TPP2: variants seen among roughly 807,000 people sequenced by gnomAD.
TPP2 encodes tripeptidyl peptidase 2.
A neutral mutation model predicts 155.9 loss-of-function variants in TPP2; 34 were observed. That is an observed-to-expected ratio of 0.22 (90% CI 0.17 to 0.29). The LOEUF is 0.29. TPP2 is among the 10% of genes least tolerant of loss of function. The pLI is 1.00. For missense variants in TPP2, 1,028 were observed against 1,522.3 expected (o/e 0.68, Z 5.40); for synonymous variants, 510 against 529.4 (o/e 0.96, Z 0.50).
At chr13:102,656,659 A>G (rs989928858) in intron 24 of TPP2, among the ~76,000 whole-genome samples, 1 of 152,218 alleles carries the variant, frequency 6.6e-6, no homozygotes, top group Non-Finnish European at 1.5e-5. Flanking sequence ...GAATGAAGGC[A>G]TAAGCGTCCC....
At chr13:102,640,495 G>C in intron 16 of TPP2, 119 bp downstream of exon 16, 2 of 761,418 alleles carry the variant, frequency 2.6e-6, no homozygotes, top group Non-Finnish European at 2.1e-6. Context: ...ATGTATTTGG[G>C]TACCTTAGAC....
chr13:102,598,834 G>A (rs1377608660), intron 1 of TPP2, among the ~76,000 whole-genome samples: 1 of 152,172 alleles, frequency 6.6e-6, no homozygotes, highest in African/African-American at 2.4e-5. Flanking sequence ...TCACCCCACA[G>A]CCTTGTTGTG....
At chr13:102,633,757 G>A (rs1166474375) in intron 10 of TPP2, among the ~76,000 whole-genome samples, 193 bp from the exon 11 acceptor site, 1 of 152,162 alleles carries the variant, frequency 6.6e-6, no homozygotes, top group Admixed American at 6.5e-5. Flanking sequence ...AATAAATGCT[G>A]CCTATGGGAA....
rs1595168606 is a variant in TPP2 at position 102,634,030 on chromosome 13, C to T, written c.1325C>T (p.Thr442Met). 8 of 1,614,032 alleles carry T rather than the reference C, an allele frequency of 5.0e-6. No homozygotes were observed. The highest frequency in any genetic ancestry group is 1.1e-5 in the South Asian group (1 of 91,084). Residue 442 changes from threonine (T) to methionine (M), a missense_variant, in exon 11 of 30, where the codon ACG (threonine) becomes ATG (methionine). By Grantham distance (81) the Thr-to-Met change is moderately conservative. Transcript: ENST00000376052. ...GTTCCTAACTGGACACTGAGAGGGA[C>T]GCAGCTGATGAATGGAACATCTATG... is the stretch of plus-strand genomic sequence containing the variant. ...ASVPNWTLRG[T>M]QLMNGTSMSS...
Position 102,674,467 on chromosome 13 carries a change from T to C in TPP2, c.3556T>C (p.Trp1186Arg). 1 of 1,613,780 alleles carries C rather than the reference T, an allele frequency of 6.2e-7. No individual in the cohort carries two copies. The highest frequency in any genetic ancestry group is 8.5e-7 in the Non-Finnish European group (1 of 1,179,730). ...LAETFWETTK[W>R]TDLFDNKVLT... ...AGAAACATTTTGGGAAACTACTAAATGGACTGATCTCTTTGACAATAAGGT... is the reference window on the plus strand; with the variant it reads ...AGAAACATTTTGGGAAACTACTAAACGGACTGATCTCTTTGACAATAAGGT... Residue 1186 changes from tryptophan (W) to arginine (R), a missense_variant, in exon 28 of 30, where the codon TGG (tryptophan) becomes CGG (arginine). Trp to Arg is a moderately radical substitution (Grantham distance 101). This residue lies in a region of TPP2 where 116 missense variants were observed against 117.3 expected (regional missense o/e 0.99). Transcript: ENST00000376052.
rs996150977 is a variant in TPP2 at position 102,646,404 on chromosome 13, T to C, written c.2490+14T>C. Reference sequence around the variant, plus strand: ...AACTTTCATCAAGTAAGTGTTTGCCTAGTAAAGTGTACCCTTAGGATGAAC... The same window carrying C: ...AACTTTCATCAAGTAAGTGTTTGCCCAGTAAAGTGTACCCTTAGGATGAAC... On this transcript the variant is annotated intron_variant, in intron 20 of 29. Coordinates refer to ENST00000376052, the MANE Select transcript of TPP2 (RefSeq NM_001330588.2). 5 of 1,594,052 alleles carry C rather than the reference T, an allele frequency of 3.1e-6. No homozygotes were observed. In the African/African-American group the frequency reaches 6.7e-5, roughly 21 times the overall value.
At chr13:102,666,617 C>T (rs952192059) in intron 27 of TPP2, among the ~76,000 whole-genome samples, 2 of 151,968 alleles carry the variant, frequency 1.3e-5, no homozygotes, top group Admixed American at 6.6e-5. Context: ...ATATGATTTT[C>T]TCAAACTCGG....
intron 27 of TPP2, among the ~76,000 whole-genome samples, chr13:102,669,567 G>A (rs1884832009): frequency 6.6e-6 from 1 of 152,198 alleles, no homozygotes; most frequent in Non-Finnish European, 1.5e-5. Context: ...TTAGGGATGT[G>A]TGTAACATCT....
chr13:102,642,278 C>G (rs1225372824), intron 16 of TPP2, among the ~76,000 whole-genome samples: 1 of 151,952 alleles, frequency 6.6e-6, no homozygotes, highest in Admixed American at 6.6e-5. Context: ...CTCATAGGGC[C>G]CCTGGGACTT....
intron 27 of TPP2, among the ~76,000 whole-genome samples, chr13:102,671,769 T>A (rs1884998395): frequency 6.6e-6 from 1 of 152,104 alleles, no homozygotes; most frequent in South Asian, 2.1e-4. Context: ...GTTTCCTCTT[T>A]GTTATCTTTG....
Position 102,674,476 on chromosome 13 carries a change from C to G in TPP2, c.3565C>G (p.Leu1189Val), listed in dbSNP as rs767703689. Residue 1189 changes from leucine to valine, a missense_variant, in exon 28 of 30, where the codon CTC becomes GTC. Around this residue, in one of 7 missense-constraint regions of TPP2, gnomAD observed 116 missense variants for 117.3 expected, o/e 0.99. Coordinates refer to ENST00000376052, the MANE Select transcript of TPP2 (RefSeq NM_001330588.2). ...TTGGGAAACTACTAAATGGACTGATCTCTTTGACAATAAGGTAACGTTTCT... is the reference window on the plus strand; with the variant it reads ...TTGGGAAACTACTAAATGGACTGATGTCTTTGACAATAAGGTAACGTTTCT... ...TFWETTKWTDLFDNKVLTFAY... is the reference protein window; with the variant it reads ...TFWETTKWTDVFDNKVLTFAY... 2.4e-5 allele frequency: 39 copies of G among 1,613,586 alleles called. No individual in the cohort carries two copies. The highest frequency in any genetic ancestry group is 1.5e-4 in the African/African-American group (11 of 74,894).
chr13:102,656,809 AAAGTATG>A (rs769950469), intron 24 of TPP2, among the ~76,000 whole-genome samples: 16 of 152,232 alleles, frequency 1.1e-4, no homozygotes, highest in Non-Finnish European at 2.4e-4. Context: ...CAAATGGAGA[AAAGTATG>A]TTCTTATCTC....
intron 4 of TPP2, among the ~76,000 whole-genome samples, chr13:102,616,764 C>T (rs1368402804): frequency 6.6e-6 from 1 of 152,206 alleles, no homozygotes; most frequent in Admixed American, 6.5e-5. Context: ...GAAAGCTGCA[C>T]CTAGGAATTT....
intron 5 of TPP2, among the ~76,000 whole-genome samples, chr13:102,619,266 A>G (rs1880975061): frequency 6.6e-6 from 1 of 152,236 alleles, no homozygotes; most frequent in Non-Finnish European, 1.5e-5. Flanking sequence ...AATGCGATTT[A>G]TACCAAGTTA....
rs770679110 is a variant in TPP2 at position 102,635,651 on chromosome 13, A to G, written c.1458A>G (p.Ala486=). Residue 486 remains alanine (A), a synonymous_variant, in exon 12 of 30, where the codon GCA becomes GCG. Coordinates refer to ENST00000376052, the MANE Select transcript of TPP2 (RefSeq NM_001330588.2). The part of the protein sequence containing the change: ...HSVRRALENT[A]VKADNIEVFA... ...TCAGAAGAGCTCTAGAAAACACTGCAGTGAAGGCTGACAATATAGAAGTAT... is the reference window on the plus strand; with the variant it reads ...TCAGAAGAGCTCTAGAAAACACTGCGGTGAAGGCTGACAATATAGAAGTAT... 6.2e-7 allele frequency: 1 copy of G among 1,613,362 alleles called. No homozygotes were observed. The highest frequency in any genetic ancestry group is 1.3e-5 in the African/African-American group (1 of 74,918).
At chr13:102,672,302 C>G (rs1885033080) in intron 27 of TPP2, among the ~76,000 whole-genome samples, 1 of 152,144 alleles carries the variant, frequency 6.6e-6, no homozygotes, top group African/African-American at 2.4e-5. Flanking sequence ...TTGTGGGTAA[C>G]AAACATTGTC....
chr13:102,618,286 G>A (rs1428714285), intron 4 of TPP2, among the ~76,000 whole-genome samples: 1 of 151,988 alleles, frequency 6.6e-6, no homozygotes, highest in Admixed American at 6.6e-5. Flanking sequence ...TTATTTATTT[G>A]GATTCTTAAG....
In TPP2 at chr13:102,630,077, G is replaced by C. The variant is rs757551626; in HGVS notation, c.1145-19G>C. ...TCCCCGTTTGTTTTCTTTTCTTAAT[G>C]ATTAAATCCATCCCACAGGTGTTGG... On this transcript the variant is annotated intron_variant, in intron 9 of 29. Coordinates refer to ENST00000376052, the MANE Select transcript of TPP2 (RefSeq NM_001330588.2). 6.2e-7 allele frequency: 1 copy of C among 1,605,788 alleles called. No individual in the cohort carries two copies.
intron 16 of TPP2, 27 bp from the exon 17 acceptor site, chr13:102,643,195 G>T: frequency 1.3e-6 from 2 of 1,532,822 alleles, no homozygotes; most frequent in Admixed American, 2.1e-5. Flanking sequence ...TAAGTTTAAA[G>T]CTTTGCTTCT....
Sources: allele counts gnomAD v4.1 joint callset (sites outside exome capture counted in the v4.1 genomes callset), GRCh38; gene constraint gnomAD v4.1.1; regional missense constraint gnomAD v4.1.1; transcripts MANE v1.5; gene names NCBI Gene and HGNC (gene_info 2026-07-23, HGNC 2026-07-21).